The following CASR variants were observed in gnomAD, a reference collection of about 807,000 sequenced individuals.
CASR encodes the protein extracellular calcium-sensing receptor.
Under a neutral mutation model 69.1 loss-of-function variants are expected in CASR, and 23 were observed. The observed-to-expected ratio is 0.33, with a 90% confidence interval of 0.24 to 0.47. The LOEUF (loss-of-function observed/expected upper bound fraction) is 0.47. Ranked by LOEUF, CASR falls within the 20% of genes least tolerant of loss-of-function variation. The pLI is 1.00. For missense variants in CASR, 924 were observed against 1,356.1 expected (o/e 0.68, Z 5.00); for synonymous variants, 541 against 544.7 (o/e 0.99, Z 0.10).
At position 122,289,728 on chromosome 3, in the gene CASR, CTGGACAAGAG is replaced by C. The variant is rs1229961707; in HGVS notation, c.*4542_*4551del. ...CCACATTCATCCCCTCCCCTGACCCCTGGACAAGAGTGGAGGACACTTGGAGTGGAGACAA... is the reference window on the plus strand; with the variant it reads ...CCACATTCATCCCCTCCCCTGACCCCTGGAGGACACTTGGAGTGGAGACAA... On this transcript the variant is annotated 3_prime_UTR_variant, in exon 7 of 7. Coordinates refer to ENST00000639785, the MANE Select transcript of CASR (RefSeq NM_000388.4). 6.6e-6 allele frequency: 1 copy of C among 152,530 alleles called. No homozygotes were observed. Among genetic ancestry groups the C allele is most frequent in the Non-Finnish European group, 1.5e-5 (1 of 68,388 alleles). 9.4% of individuals were successfully genotyped at this position (152,530 alleles called of 1,614,324 possible). A position where few individuals can be genotyped will look rare whatever the true frequency, so the allele number is the denominator to read the frequency against.
chr3:122,230,991 G>A (rs1326032541), intron 1 of CASR, among the ~76,000 whole-genome samples: 1 of 152,216 alleles, frequency 6.6e-6, no homozygotes, highest in Non-Finnish European at 1.5e-5. Flanking sequence ...AAACTCATCT[G>A]TCCCCTAAGG....
At chr3:122,269,819 C>A (rs1049041290) in intron 4 of CASR, among the ~76,000 whole-genome samples, 6 of 150,722 alleles carry the variant, frequency 4.0e-5, no homozygotes, top group African/African-American at 1.2e-4. Flanking sequence ...GTGAAGCCAC[C>A]TTTAGTTGGT....
At chr3:122,189,086 C>G (rs552269390) in intron 1 of CASR, among the ~76,000 whole-genome samples, 1 of 152,162 alleles carries the variant, frequency 6.6e-6, no homozygotes, top group South Asian at 2.1e-4. Flanking sequence ...CAGAAATGAA[C>G]ATTATAATTA....
chr3:122,235,922 A>C (rs544860732), intron 1 of CASR, among the ~76,000 whole-genome samples: 173 of 152,354 alleles, frequency 1.1e-3, no homozygotes, highest in Non-Finnish European at 2.1e-3. Context: ...AATGGCTTTC[A>C]AACTTCTTAA....
chr3:122,273,261 T>G (rs991465609), intron 4 of CASR, among the ~76,000 whole-genome samples: 5 of 152,210 alleles, frequency 3.3e-5, no homozygotes, highest in African/African-American at 1.2e-4. Context: ...AGGATGATGT[T>G]GTAGAAAAGC....
At chr3:122,257,988 G>C (rs1440699143) in intron 3 of CASR, among the ~76,000 whole-genome samples, 1 of 152,168 alleles carries the variant, frequency 6.6e-6, no homozygotes, top group South Asian at 2.1e-4. Flanking sequence ...AGATGGTTGC[G>C]TTTCCATTTA....
intron 4 of CASR, 32 bp from the exon 5 acceptor site, chr3:122,275,780 G>A (rs1382828470): frequency 1.4e-6 from 2 of 1,439,030 alleles, no homozygotes; most frequent in Admixed American, 1.7e-5. Flanking sequence ...TGGCAGCCCT[G>A]GGGCTTGTAC....
At chr3:122,186,949 T>C (rs1297224540) in intron 1 of CASR, among the ~76,000 whole-genome samples, 1 of 152,258 alleles carries the variant, frequency 6.6e-6, no homozygotes, top group Non-Finnish European at 1.5e-5. Flanking sequence ...TATCACAGTA[T>C]CAGTTGCATT....
At chr3:122,268,642 T>C (rs567663642) in intron 4 of CASR, among the ~76,000 whole-genome samples, 58 of 152,364 alleles carry the variant, frequency 3.8e-4, no homozygotes, top group Middle Eastern at 3.4e-3. Flanking sequence ...TCTGTCCATC[T>C]TGAATATTAC....
intron 1 of CASR, among the ~76,000 whole-genome samples, chr3:122,221,813 C>T (rs542298187): frequency 1.3e-5 from 2 of 152,268 alleles, no homozygotes; most frequent in African/African-American, 4.8e-5. Context: ...TTGTGAGTAG[C>T]GATAGTATCT....
rs202219108 is a variant in CASR, at chr3:122,284,994, C to T, written c.3040C>T (p.Leu1014Phe). ...TACGCTGACCCGACACGAGCCATTA[C>T]TCCCGCTGCAGTGCGGGGAAACGGA... Reference protein sequence around the residue: ...SDTLTRHEPLLPLQCGETDLD... With the variant: ...SDTLTRHEPLFPLQCGETDLD... The change falls in exon 7 of 7, where the codon CTC becomes TTC. Residue 1014 changes from leucine to phenylalanine, a missense_variant. Leu to Phe is a conservative substitution (Grantham distance 22). Transcript: ENST00000639785. The T allele has an allele frequency of 3.7e-6, 6 of 1,614,112 alleles. No homozygotes were observed. Among genetic ancestry groups the T allele is most frequent in the African/African-American group, 1.3e-5 (1 of 74,938 alleles).
intron 1 of CASR, among the ~76,000 whole-genome samples, chr3:122,210,915 G>A (rs1334403577): frequency 6.6e-6 from 1 of 152,114 alleles, no homozygotes; most frequent in African/African-American, 2.4e-5. Context: ...ACAGAATAGT[G>A]TACTCAGAAA....
chr3:122,210,733 C>A (rs1475667878), intron 1 of CASR, among the ~76,000 whole-genome samples: 1 of 151,944 alleles, frequency 6.6e-6, no homozygotes, highest in Non-Finnish European at 1.5e-5. Flanking sequence ...TAGAAAAAAC[C>A]ACTTTAAAAT....
intron 1 of CASR, among the ~76,000 whole-genome samples, chr3:122,197,371 C>T (rs1356604536): frequency 6.6e-6 from 1 of 152,130 alleles, no homozygotes; most frequent in African/African-American, 2.4e-5. Context: ...TCCAGCAGCC[C>T]TTATTTTTTC....
chr3:122,256,686 C>G (rs1411552288), intron 2 of CASR, among the ~76,000 whole-genome samples: 1 of 152,182 alleles, frequency 6.6e-6, no homozygotes, highest in Non-Finnish European at 1.5e-5. Flanking sequence ...GGCACAATCT[C>G]AGCTCACTGC....
chr3:122,272,108 C>T (rs1204669570), intron 4 of CASR, among the ~76,000 whole-genome samples: 3 of 151,920 alleles, frequency 2.0e-5, no homozygotes, highest in Non-Finnish European at 4.4e-5. Context: ...CACACACACA[C>T]ACACACACAC....
intron 1 of CASR, among the ~76,000 whole-genome samples, chr3:122,191,255 A>T (rs749881559): frequency 3.9e-4 from 60 of 152,224 alleles, no homozygotes; most frequent in Non-Finnish European, 8.1e-4. Flanking sequence ...CATGAAGGAA[A>T]ATATTGATAG....
chr3:122,196,275 C>T (rs982532193), intron 1 of CASR, among the ~76,000 whole-genome samples: 1 of 151,794 alleles, frequency 6.6e-6, no homozygotes, highest in Admixed American at 6.6e-5. Flanking sequence ...TGGTAAATAA[C>T]ATACCATAGG....
At chr3:122,246,833 T>C (rs538645005) in intron 1 of CASR, 8 of 152,304 alleles carry the variant, frequency 5.3e-5, no homozygotes, top group African/African-American at 1.9e-4. Context: ...GAGTTGCAAG[T>C]GGATGGGGAA....
Sources: allele counts gnomAD v4.1 joint callset (sites outside exome capture counted in the v4.1 genomes callset), GRCh38; gene constraint gnomAD v4.1.1; transcripts MANE v1.5; gene names NCBI Gene and HGNC (gene_info 2026-07-23, HGNC 2026-07-21).